The following INPP4B variants were observed in gnomAD, a reference collection of about 807,000 sequenced individuals.
INPP4B encodes inositol polyphosphate-4-phosphatase type II B.
A neutral mutation model predicts 122.5 loss-of-function variants in INPP4B; 55 were observed. That is an observed-to-expected ratio of 0.45 (90% CI 0.36 to 0.56). The LOEUF (loss-of-function observed/expected upper bound fraction) is 0.56, where lower values mean the gene tolerates loss of function less well. Ranked by LOEUF, INPP4B falls within the 20% of genes least tolerant of loss-of-function variation. The probability of loss-of-function intolerance (pLI) is 0.00; values close to 1 mark genes in which losing one functional copy is unlikely to be tolerated. For missense variants in INPP4B, 1,000 were observed against 1,097.7 expected (o/e 0.91, Z 1.26); for synonymous variants, 403 against 388.7 (o/e 1.04, Z -0.43).
chr4:142,124,777 T>C lies in INPP4B; in HGVS notation c.1721-17A>G, dbSNP rs1439339982. On this transcript the variant is annotated splice_polypyrimidine_tract_variant and intron_variant, in intron 18 of 25. Coordinates refer to ENST00000262992, the MANE Select transcript of INPP4B (RefSeq NM_001101669.3). ...ACCAGTCCTCTGGGGGAAGGGGGTG[T>C]AAGAACAGTGCAATAGATGAAGGAA... 1 of 1,506,990 alleles carries C rather than the reference T, an allele frequency of 6.6e-7. No individual in the cohort carries two copies. The highest frequency in any genetic ancestry group is 8.9e-7 in the Non-Finnish European group (1 of 1,119,868). The allele number at this position is 1,506,990 out of a possible 1,614,324, so 93.4% of individuals were successfully genotyped here. A position where few individuals can be genotyped will look rare whatever the true frequency, so the allele number is the denominator to read the frequency against.
chr4:142,806,252 C>T (rs1263217988), intron 1 of INPP4B, among the ~76,000 whole-genome samples: 3 of 119,606 alleles, frequency 2.5e-5, no homozygotes, highest in African/African-American at 1.0e-4. Context: ...GCAGTCTGGC[C>T]TGGGAGAACG....
intron 1 of INPP4B, among the ~76,000 whole-genome samples, chr4:142,784,511 A>C (rs1658286064): frequency 2.0e-5 from 3 of 152,086 alleles, no homozygotes; most frequent in Admixed American, 2.0e-4. Context: ...ACATAGAGTC[A>C]CAACCAAGAA....
Position 142,555,280 on chromosome 4 carries a change from T to C in INPP4B, c.-190-92554A>G, listed in dbSNP as rs146518733. 6.4e-3 allele frequency among the ~76,000 whole-genome samples: 969 copies of C among 152,200 alleles called. 24 individuals carry two copies. The highest frequency in any genetic ancestry group is 0.032 in the Admixed American group (496 of 15,294). On this transcript the variant is annotated intron_variant, in intron 2 of 25. Coordinates refer to ENST00000262992, the MANE Select transcript of INPP4B (RefSeq NM_001101669.3). ...ACTCGGGCACACTGTGAAGGGCAAA[T>C]TGTAGACTGAAAAAGCTTTGGCAAA... is the stretch of plus-strand genomic sequence containing the variant.
chr4:142,214,531 T>C (rs999045005), intron 12 of INPP4B, among the ~76,000 whole-genome samples: 15 of 152,222 alleles, frequency 9.9e-5, no homozygotes, highest in Admixed American at 2.6e-4. Context: ...AGGTGAATCA[T>C]AAATATAGTT....
intron 18 of INPP4B, 142 bp from the exon 19 acceptor site, chr4:142,124,902 C>T (rs114189541): frequency 0.022 from 14,697 of 663,788 alleles, 214 homozygotes; most frequent in Middle Eastern, 0.033. Context: ...AGCTGAAGAT[C>T]TCTAATTTAA....
intron 3 of INPP4B, among the ~76,000 whole-genome samples, chr4:142,449,830 A>T (rs2149498689): frequency 6.6e-6 from 1 of 152,328 alleles, no homozygotes; most frequent in Middle Eastern, 3.4e-3. Flanking sequence ...TGAATAGGGA[A>T]TTCTGCCAGA....
intron 18 of INPP4B, among the ~76,000 whole-genome samples, chr4:142,129,675 G>A (rs771253303): frequency 4.6e-5 from 7 of 152,232 alleles, no homozygotes; most frequent in African/African-American, 7.2e-5. Flanking sequence ...TGGCTGCTTC[G>A]AATGTTTTCC....
At chr4:142,173,525 C>A in intron 16 of INPP4B, 107 bp downstream of exon 16, 1 of 914,392 alleles carries the variant, frequency 1.1e-6, no homozygotes, top group East Asian at 2.5e-5. Flanking sequence ...TTAACCTACT[C>A]TATTTTACAT....
At position 142,108,178 on chromosome 4, in the gene INPP4B, G is replaced by A; in HGVS notation, c.2289C>T (p.Val763=). Residue 763 remains valine, a synonymous_variant, in exon 23 of 26, where the codon GTC becomes GTT. Coordinates refer to ENST00000262992, the MANE Select transcript of INPP4B (RefSeq NM_001101669.3). Reference sequence around the variant, plus strand: ...CCTGATTAATACTTTCTTGCAAAGAGACATCTCCAAACCTACAAACAGAAA... The same window carrying A: ...CCTGATTAATACTTTCTTGCAAAGAAACATCTCCAAACCTACAAACAGAAA... ...QQTLAERFGD[V]SLQESINQEN... is the part of the protein sequence containing the mutation. 2 of 1,589,068 alleles carry A rather than the reference G, an allele frequency of 1.3e-6. No homozygotes were observed. The highest frequency in any genetic ancestry group is 1.7e-6 in the Non-Finnish European group (2 of 1,158,916).
chr4:142,145,814 G>A, intron 18 of INPP4B, 26 bp downstream of exon 18: 1 of 1,605,216 alleles, frequency 6.2e-7, no homozygotes, highest in Non-Finnish European at 8.5e-7. Context: ...CTCAGTAAAT[G>A]ATTGGGAAAA....
intron 7 of INPP4B, among the ~76,000 whole-genome samples, chr4:142,390,754 A>C (rs764014093): frequency 6.6e-6 from 1 of 152,222 alleles, no homozygotes; most frequent in Non-Finnish European, 1.5e-5. Flanking sequence ...ATGTTAAGTT[A>C]TTGTAGACCA....
At chr4:142,483,242 A>G (rs1253463826) in intron 2 of INPP4B, among the ~76,000 whole-genome samples, 1 of 130,058 alleles carries the variant, frequency 7.7e-6, no homozygotes, top group African/African-American at 3.0e-5. Context: ...GGGTCTCACA[A>G]TGGCGTTAGT....
chr4:142,255,140 A>T (rs1028514201), intron 11 of INPP4B, among the ~76,000 whole-genome samples: 3 of 152,114 alleles, frequency 2.0e-5, no homozygotes, highest in Admixed American at 6.5e-5. Flanking sequence ...AATACTTTAC[A>T]GACAAGAAAA....
chr4:142,147,940 A>G (rs887952409), intron 17 of INPP4B, among the ~76,000 whole-genome samples: 11 of 152,134 alleles, frequency 7.2e-5, no homozygotes, highest in African/African-American at 2.7e-4. Flanking sequence ...AATGCTGGGG[A>G]AGGGTAAGTA....
chr4:142,083,951 T>G (rs1775439951), intron 24 of INPP4B, among the ~76,000 whole-genome samples: 1 of 152,160 alleles, frequency 6.6e-6, no homozygotes, highest in Non-Finnish European at 1.5e-5. Flanking sequence ...ATGTTCTAAA[T>G]TTAAAGTCTA....
intron 21 of INPP4B, among the ~76,000 whole-genome samples, chr4:142,120,485 T>A (rs2152743904): frequency 6.6e-6 from 1 of 152,250 alleles, no homozygotes; most frequent in Middle Eastern, 3.4e-3. Flanking sequence ...ATTTAGTGGA[T>A]CCTATTAATT....
At chr4:142,349,539 T>C (rs1781327621) in intron 7 of INPP4B, among the ~76,000 whole-genome samples, 1 of 152,030 alleles carries the variant, frequency 6.6e-6, no homozygotes, top group African/African-American at 2.4e-5. Context: ...GATCAGCTTT[T>C]CCATTTTCTT....
intron 2 of INPP4B, among the ~76,000 whole-genome samples, chr4:142,583,230 A>T (rs1735469789): frequency 6.6e-6 from 1 of 152,222 alleles, no homozygotes; most frequent in Non-Finnish European, 1.5e-5. Flanking sequence ...AAACTACAGT[A>T]ACTTTGAGAC....
chr4:142,639,449 G>A (rs1316575457), intron 2 of INPP4B, among the ~76,000 whole-genome samples: 3 of 152,096 alleles, frequency 2.0e-5, no homozygotes, highest in African/African-American at 7.2e-5. Context: ...TTCTTCTTGT[G>A]TGAGTTTTGG....
Sources: gnomAD v4.1 joint callset for allele counts (sites outside exome capture counted in the v4.1 genomes callset) on GRCh38, gnomAD v4.1.1 for gene constraint, MANE v1.5 for transcripts, NCBI Gene and HGNC (gene_info 2026-07-23, HGNC 2026-07-21) for gene names.